The following CAMK1D variants were observed in gnomAD, a reference collection of about 807,000 sequenced individuals.
CAMK1D encodes the protein calcium/calmodulin dependent protein kinase ID.
CAMK1D carries 9 observed loss-of-function variants against 47.7 expected under a neutral mutation model. The observed-to-expected ratio is 0.19, with a 90% CI of 0.11 to 0.33. The LOEUF is 0.33. Ranked by LOEUF, CAMK1D falls within the 10% of genes least tolerant of loss-of-function variation. The probability of loss-of-function intolerance (pLI) is 1.00; values close to 1 mark genes in which losing one functional copy is unlikely to be tolerated. For missense variants in CAMK1D, 291 were observed against 488.7 expected (o/e 0.60, Z 3.81); for synonymous variants, 184 against 184.9 (o/e 0.99, Z 0.04).
At chr10:12,453,148 A>T (rs1428530177) in intron 1 of CAMK1D, among the ~76,000 whole-genome samples, 2 of 150,860 alleles carry the variant, frequency 1.3e-5, no homozygotes. Context: ...CTCAAGACCC[A>T]TCCAGTTTGA....
At chr10:12,513,534 C>T (rs141486032) in intron 1 of CAMK1D, among the ~76,000 whole-genome samples, 189 of 152,214 alleles carry the variant, frequency 1.2e-3, no homozygotes, top group African/African-American at 4.4e-3. Flanking sequence ...TGCCTGTAAT[C>T]CCAGCACTTT....
At chr10:12,449,773 T>A (rs1047103257) in intron 1 of CAMK1D, among the ~76,000 whole-genome samples, 19 of 152,070 alleles carry the variant, frequency 1.2e-4, no homozygotes, top group Non-Finnish European at 2.2e-4. Context: ...CCTAGGTGGG[T>A]GGATCACTGG....
At chr10:12,587,999 G>A (rs867806734) in intron 2 of CAMK1D, among the ~76,000 whole-genome samples, 177 of 152,254 alleles carry the variant, frequency 1.2e-3, no homozygotes, top group African/African-American at 4.2e-3. Context: ...ATGCAGCTTT[G>A]TGGGAGCACT....
rs71386105 is a variant in CAMK1D at position 12,611,588 on chromosome 10, CTTT to C, written c.225-55129_225-55127del. 4.3e-3 allele frequency among the ~76,000 whole-genome samples: 258 copies of C among 59,940 alleles called. 6 individuals are homozygous for C. Among genetic ancestry groups the C allele is most frequent in the Admixed American group, 0.012 (36 of 3,014 alleles). 39.3% of individuals were successfully genotyped at this position (59,940 alleles called of 152,430 possible). On this transcript the variant is annotated intron_variant, in intron 2 of 10. Coordinates refer to ENST00000619168, the MANE Select transcript of CAMK1D (RefSeq NM_153498.4). ...CAGTTCCCTGAATGTTTCAGAATGC[CTTT>C]TTTTTTTTTTTTTTTTTTGAGACAG...
At chr10:12,443,899 G>C (rs963940191) in intron 1 of CAMK1D, among the ~76,000 whole-genome samples, 2 of 152,122 alleles carry the variant, frequency 1.3e-5, no homozygotes, top group South Asian at 4.2e-4. Flanking sequence ...CAGAGTTCTG[G>C]GATTATAGGC....
At chr10:12,645,839 C>T (rs1476779117) in intron 2 of CAMK1D, among the ~76,000 whole-genome samples, 4 of 152,216 alleles carry the variant, frequency 2.6e-5, no homozygotes, top group Non-Finnish European at 5.9e-5. Flanking sequence ...TCTAAAAATG[C>T]TGCCTGTGAG....
At chr10:12,673,029 T>TG (rs1015445248) in intron 3 of CAMK1D, among the ~76,000 whole-genome samples, 15 of 151,838 alleles carry the variant, frequency 9.9e-5, no homozygotes, top group Admixed American at 3.9e-4. Context: ...CCTGAGTAGC[T>TG]GGGATTACAG....
intron 1 of CAMK1D, among the ~76,000 whole-genome samples, chr10:12,411,845 C>G (rs1839669170): frequency 6.6e-6 from 1 of 152,110 alleles, no homozygotes; most frequent in Non-Finnish European, 1.5e-5. Flanking sequence ...CCGCCCGCCT[C>G]AGCCTCCCAA....
At chr10:12,737,013 C>G (rs1044138559) in intron 3 of CAMK1D, among the ~76,000 whole-genome samples, 1 of 152,208 alleles carries the variant, frequency 6.6e-6, no homozygotes, top group Admixed American at 6.5e-5. Flanking sequence ...GAACAGCGAG[C>G]ATCCGTTGAC....
chr10:12,401,428 G>A (rs1291260233), intron 1 of CAMK1D, among the ~76,000 whole-genome samples: 1 of 145,998 alleles, frequency 6.8e-6, no homozygotes, highest in Non-Finnish European at 1.5e-5. Context: ...TCCCATGTAT[G>A]TTGTCTCTCC....
intron 3 of CAMK1D, among the ~76,000 whole-genome samples, chr10:12,676,676 G>T (rs916598843): frequency 6.6e-6 from 1 of 152,166 alleles, no homozygotes; most frequent in Non-Finnish European, 1.5e-5. Context: ...GAGCAACCCA[G>T]TGTATGCCCT....
At chr10:12,694,779 A>T (rs1833194442) in intron 3 of CAMK1D, among the ~76,000 whole-genome samples, 1 of 151,574 alleles carries the variant, frequency 6.6e-6, no homozygotes, top group Non-Finnish European at 1.5e-5. Context: ...AAGGCCTACA[A>T]AGGAACAGGC....
intron 3 of CAMK1D, among the ~76,000 whole-genome samples, chr10:12,672,915 T>TAA (rs71386108): frequency 6.8e-6 from 1 of 147,080 alleles, no homozygotes; most frequent in African/African-American, 2.5e-5. Flanking sequence ...TTTTTTTTTT[T>TAA]AGTCAGAGTT....
At chr10:12,361,904 T>C (rs1055582729) in intron 1 of CAMK1D, among the ~76,000 whole-genome samples, 2 of 152,062 alleles carry the variant, frequency 1.3e-5, no homozygotes, top group Non-Finnish European at 2.9e-5. Flanking sequence ...CTCCAGCCAT[T>C]GAATATAGCT....
At chr10:12,637,409 G>C (rs546414370) in intron 2 of CAMK1D, among the ~76,000 whole-genome samples, 2 of 152,352 alleles carry the variant, frequency 1.3e-5, no homozygotes, top group South Asian at 4.1e-4. Flanking sequence ...GGTCCCTTCA[G>C]TGTTGCGATT....
In CAMK1D at chr10:12,582,694, G is replaced by A. The variant is rs934786968; in HGVS notation, c.224+29338G>A. 4.6e-5 allele frequency among the ~76,000 whole-genome samples: 7 copies of A among 152,204 alleles called. 1 individual carries two copies. Among genetic ancestry groups the A allele is most frequent in the Non-Finnish European group, 7.3e-5 (5 of 68,036 alleles). ...GCTTGGTCACTGTTGGTGTATAGCA[G>A]AGCTACTGATTTGTGTACATTAATT... On this transcript the variant is annotated intron_variant, in intron 2 of 10. Transcript: ENST00000619168.
intron 3 of CAMK1D, among the ~76,000 whole-genome samples, chr10:12,729,327 G>A (rs908606944): frequency 5.3e-5 from 8 of 152,170 alleles, no homozygotes; most frequent in Non-Finnish European, 7.3e-5. Flanking sequence ...AGAAGATGCC[G>A]AGTACCTATA....
chr10:12,830,030 C>G lies in CAMK1D; in HGVS notation c.*1143C>G, dbSNP rs1316854564. ...GGCTCAGCTTCACAGGCCAGACTTG[C>G]TGTGAGTGAGATGCCCACACTGCAG... On this transcript the variant is annotated 3_prime_UTR_variant, in exon 11 of 11. Transcript: ENST00000619168. The G allele has an allele frequency of 6.6e-6, 1 of 152,106 alleles. No homozygotes were observed. Among genetic ancestry groups the G allele is most frequent in the Non-Finnish European group, 1.5e-5 (1 of 68,040 alleles). The allele number at this position is 152,106 out of a possible 1,614,324, so 9.4% of individuals were successfully genotyped here.
chr10:12,621,551 G>A (rs550918390), intron 2 of CAMK1D, among the ~76,000 whole-genome samples: 1 of 151,608 alleles, frequency 6.6e-6, no homozygotes, highest in Admixed American at 6.6e-5. Flanking sequence ...TTAAATATTG[G>A]TATAAATGTT....
Sources: gnomAD v4.1 joint callset for allele counts (sites outside exome capture counted in the v4.1 genomes callset) on GRCh38, gnomAD v4.1.1 for gene constraint, MANE v1.5 for transcripts, NCBI Gene and HGNC (gene_info 2026-07-23, HGNC 2026-07-21) for gene names.